Variants in ADAMTS9 observed in about 807,000 individuals in gnomAD.
ADAMTS9 encodes A disintegrin and metalloproteinase with thrombospondin motifs 9.
A neutral mutation model predicts 257.1 loss-of-function variants in ADAMTS9; 107 were observed. The ratio of observed to expected loss-of-function variants is 0.42; its 90% CI spans 0.36 to 0.49. The LOEUF (loss-of-function observed/expected upper bound fraction) is 0.49. Ranked by LOEUF, ADAMTS9 falls within the 20% of genes least tolerant of loss-of-function variation. The pLI is 0.03. For synonymous variants in ADAMTS9, 982 were observed against 880.9 expected (o/e 1.11, Z -2.03); for missense variants, 2,353 against 2,469.1 (o/e 0.95, Z 1.00).
At chr3:64,586,771 G>C (rs1576083524) in intron 28 of ADAMTS9, 2 of 152,116 alleles carry the variant, frequency 1.3e-5, no homozygotes, top group African/African-American at 2.4e-5. Flanking sequence ...TCATGGAGGA[G>C]AGACATTGCC....
rs184417163 is a variant in ADAMTS9 at position 64,597,077 on chromosome 3, T to G, written c.4018-86A>C. 1.1e-4 allele frequency: 169 copies of G among 1,540,676 alleles called. No homozygotes were observed. In the African/African-American group the frequency reaches 2.0e-3, roughly 18 times the overall value. ...CAGCTGGTTGAAAGGTTAAGACAAA[T>G]GTGCTGAAAAGCATTCTCAAGTCAT... On this transcript the variant is annotated intron_variant, in intron 26 of 39. Transcript: ENST00000498707.
chr3:64,548,192 G>A (rs1186609967), intron 31 of ADAMTS9, among the ~76,000 whole-genome samples: 1 of 152,140 alleles, frequency 6.6e-6, no homozygotes, highest in Non-Finnish European at 1.5e-5. Flanking sequence ...TTCTTCTCCT[G>A]CAACTTTTCC....
At chr3:64,633,923 T>C (rs373953171) in intron 12 of ADAMTS9, 44 bp from the exon 13 acceptor site, 11 of 1,518,258 alleles carry the variant, frequency 7.2e-6, no homozygotes, top group African/African-American at 2.7e-5. Flanking sequence ...TGTATTATCA[T>C]GTATTCCTCT....
intron 3 of ADAMTS9, among the ~76,000 whole-genome samples, chr3:64,661,673 T>C (rs1270288297): frequency 6.6e-6 from 1 of 152,122 alleles, no homozygotes; most frequent in Non-Finnish European, 1.5e-5. Flanking sequence ...TAAATATGAA[T>C]TGAGAAAAAG....
At chr3:64,620,392 A>G (rs1700076384) in intron 19 of ADAMTS9, among the ~76,000 whole-genome samples, 1 of 152,042 alleles carries the variant, frequency 6.6e-6, no homozygotes, top group African/African-American at 2.4e-5. Context: ...ACACATTCCT[A>G]TACCACTCTC....
At chr3:64,565,571 C>T (rs887044667) in intron 29 of ADAMTS9, 1 of 152,148 alleles carries the variant, frequency 6.6e-6, no homozygotes, top group Non-Finnish European at 1.5e-5. Flanking sequence ...GGTGTGTTAC[C>T]TTCATTCTAA....
rs568728815 is a variant in ADAMTS9 at position 64,677,581 on chromosome 3, C to T, written c.679+3620G>A. Reference sequence around the variant, plus strand: ...TTTGAATTTTAGTATTTGGAGTTTTCCTTTCCTCATTGTGGTGTTTTGTTT... The same window carrying T: ...TTTGAATTTTAGTATTTGGAGTTTTTCTTTCCTCATTGTGGTGTTTTGTTT... On this transcript the variant is annotated intron_variant, in intron 3 of 39. Coordinates refer to ENST00000498707, the MANE Select transcript of ADAMTS9 (RefSeq NM_182920.2). Among the ~76,000 whole-genome samples, 3 of 152,206 alleles carry T rather than the reference C, an allele frequency of 2.0e-5. No individual in the cohort carries two copies. The East Asian group carries it at 5.8e-4, about 30-fold the overall frequency.
At chr3:64,534,613 T>G (rs1007830072) in intron 37 of ADAMTS9, among the ~76,000 whole-genome samples, 1 of 152,186 alleles carries the variant, frequency 6.6e-6, no homozygotes, top group Non-Finnish European at 1.5e-5. Flanking sequence ...CCATAAATAT[T>G]GACTAACAAA....
At chr3:64,638,935 A>G (rs1008282199) in intron 12 of ADAMTS9, among the ~76,000 whole-genome samples, 9 of 152,184 alleles carry the variant, frequency 5.9e-5, no homozygotes. Context: ...TTCTAAAAAC[A>G]GAGCTCTCCA....
intron 30 of ADAMTS9, among the ~76,000 whole-genome samples, chr3:64,558,930 C>T (rs1302324392): frequency 2.6e-5 from 4 of 152,032 alleles, no homozygotes; most frequent in Admixed American, 6.6e-5. Context: ...AAAGTGGAAA[C>T]GTGTGCCTGC....
At chr3:64,535,278 C>T (rs967184292) in intron 37 of ADAMTS9, among the ~76,000 whole-genome samples, 1 of 152,214 alleles carries the variant, frequency 6.6e-6, no homozygotes, top group East Asian at 1.9e-4. Context: ...GCTCGGGAGA[C>T]TGAGGCAGGA....
At chr3:64,539,070 T>C (rs918892975) in intron 37 of ADAMTS9, 133 bp downstream of exon 37, 2 of 815,420 alleles carry the variant, frequency 2.5e-6, no homozygotes, top group Admixed American at 4.2e-5. Flanking sequence ...TGAGAGGGTC[T>C]TGATACATGT....
intron 12 of ADAMTS9, among the ~76,000 whole-genome samples, chr3:64,641,386 T>C (rs917679709): frequency 6.6e-6 from 1 of 151,692 alleles, no homozygotes; most frequent in African/African-American, 2.4e-5. Context: ...TAGTTACATA[T>C]GTATACATGT....
At chr3:64,565,705 G>T (rs1045105064) in intron 29 of ADAMTS9, 1 of 152,166 alleles carries the variant, frequency 6.6e-6, no homozygotes, top group South Asian at 2.1e-4. Context: ...CTTCACATTT[G>T]TCAGTCTGAA....
Position 64,687,503 on chromosome 3 carries a change from G to C in ADAMTS9, c.115+40C>G. 3.4e-6 allele frequency: 5 copies of C among 1,469,412 alleles called. No homozygotes were observed. The South Asian group carries it at 5.3e-5, about 16-fold the overall frequency. The allele number at this position is 1,469,412 out of a possible 1,614,324, so 91.0% of individuals were successfully genotyped here. A position where few individuals can be genotyped will look rare whatever the true frequency, so the allele number is the denominator to read the frequency against. On this transcript the variant is annotated intron_variant, in intron 1 of 39. Coordinates refer to ENST00000498707, the MANE Select transcript of ADAMTS9 (RefSeq NM_182920.2). The surrounding 1 kb of genome is among the most constrained non-coding windows in gnomAD (Gnocchi z 4.4). ...CCAGGAGCGAGGACCGGGAGGCGGC[G>C]TCGGGGCCGGCGGGGTCCCGGGGGC...
chr3:64,619,411 T>A (rs1051847754), intron 19 of ADAMTS9, among the ~76,000 whole-genome samples: 2 of 152,166 alleles, frequency 1.3e-5, no homozygotes, highest in Non-Finnish European at 2.9e-5. Flanking sequence ...TAAAAATAAC[T>A]CTCTCCTAGG....
chr3:64,678,785 G>A (rs1214670247), intron 3 of ADAMTS9, among the ~76,000 whole-genome samples: 1 of 152,128 alleles, frequency 6.6e-6, no homozygotes, highest in African/African-American at 2.4e-5. Flanking sequence ...CTGGTGAATC[G>A]TGCCATATTC....
intron 28 of ADAMTS9, among the ~76,000 whole-genome samples, chr3:64,578,548 T>A (rs937656015): frequency 6.6e-6 from 1 of 151,850 alleles, no homozygotes; most frequent in Non-Finnish European, 1.5e-5. Context: ...TGACTGGAAA[T>A]ATCTTTCTTT....
At chr3:64,527,503 A>G (rs1171312285) in intron 38 of ADAMTS9, among the ~76,000 whole-genome samples, 1 of 152,136 alleles carries the variant, frequency 6.6e-6, no homozygotes, top group Non-Finnish European at 1.5e-5. Context: ...TTTGATAAGA[A>G]AATCCATACA....
Sources: allele counts gnomAD v4.1 joint callset (sites outside exome capture counted in the v4.1 genomes callset), GRCh38; gene constraint gnomAD v4.1.1; non-coding constraint Gnocchi (gnomAD v3.1); transcripts MANE v1.5; gene names NCBI Gene and HGNC (gene_info 2026-07-23, HGNC 2026-07-21).